Variants in MTM1 observed in about 807,000 individuals in gnomAD.
MTM1 encodes myotubularin.
In MTM1, 9 loss-of-function variants were observed where a neutral mutation model predicts 52.1. That is an observed-to-expected ratio of 0.17 (90% CI 0.10 to 0.30). The LOEUF (loss-of-function observed/expected upper bound fraction) is 0.30, where lower values mean the gene tolerates loss of function less well. Ranked by LOEUF, MTM1 falls within the 10% of genes least tolerant of loss-of-function variation. The probability of loss-of-function intolerance (pLI) is 1.00; values close to 1 mark genes in which losing one functional copy is unlikely to be tolerated. For missense variants in MTM1, 277 were observed against 470.7 expected (o/e 0.59, Z 3.81); for synonymous variants, 136 against 163.8 (o/e 0.83, Z 1.29).
intron 4 of MTM1, among the ~76,000 whole-genome samples, chrX:150,604,368 G>A (rs1280375027): frequency 1.8e-5 from 2 of 111,453 alleles, no homozygotes; most frequent in Non-Finnish European, 3.8e-5. Context: ...AGGCAAAGCA[G>A]ACGCTACCCT....
chrX:150,658,225 T>C (rs2040158328), intron 11 of MTM1, among the ~76,000 whole-genome samples, 198 bp downstream of exon 11: 1 of 112,219 alleles, frequency 8.9e-6, no homozygotes, highest in Non-Finnish European at 1.9e-5. Flanking sequence ...CTGTTTGCAG[T>C]TTCACTTGAA....
chrX:150,672,753 T>C lies in MTM1; in HGVS notation c.*1158T>C, dbSNP rs1222869689. 1.8e-5 allele frequency: 2 copies of C among 112,378 alleles called. No individual in the cohort carries two copies. Among genetic ancestry groups the C allele is most frequent in the African/African-American group, 3.2e-5 (1 of 30,977 alleles). 9.3% of individuals were successfully genotyped at this position (112,378 alleles called of 1,213,427 possible). A position where few individuals can be genotyped will look rare whatever the true frequency, so the allele number is the denominator to read the frequency against. ...CTAATTCATTTATTAAGTATATTTGTAAAAGCTAAGGCTCGAGTTAAAACA... is the reference window on the plus strand; with the variant it reads ...CTAATTCATTTATTAAGTATATTTGCAAAAGCTAAGGCTCGAGTTAAAACA... On this transcript the variant is annotated 3_prime_UTR_variant, in exon 15 of 15. Coordinates refer to ENST00000370396, the MANE Select transcript of MTM1 (RefSeq NM_000252.3).
At chrX:150,615,059 G>A (rs2039357942) in intron 5 of MTM1, among the ~76,000 whole-genome samples, 1 of 111,783 alleles carries the variant, frequency 8.9e-6, no homozygotes, top group African/African-American at 3.3e-5. Context: ...GAATAGAAGA[G>A]ATTTTGCCCT....
intron 2 of MTM1, among the ~76,000 whole-genome samples, chrX:150,596,250 T>A (rs1295654226): frequency 8.9e-5 from 10 of 112,273 alleles, no homozygotes; most frequent in African/African-American, 3.2e-4. Context: ...CTTGGAAATG[T>A]AGTTTAAAAA....
At chrX:150,601,852 T>A (rs140106811) in intron 4 of MTM1, among the ~76,000 whole-genome samples, 196 of 112,368 alleles carry the variant, frequency 1.7e-3, no homozygotes, top group African/African-American at 6.1e-3. Context: ...TCCTTCTGAC[T>A]CCTCCAACCT....
chrX:150,571,842 T>C (rs1025766089), intron 1 of MTM1, among the ~76,000 whole-genome samples: 2 of 111,809 alleles, frequency 1.8e-5, no homozygotes, highest in African/African-American at 6.5e-5. Context: ...AGAGAGGCCT[T>C]CTTCTAGTTT....
chrX:150,635,012 C>T (rs1557413675), intron 6 of MTM1, among the ~76,000 whole-genome samples: 1 of 111,081 alleles, frequency 9.0e-6, no homozygotes, highest in African/African-American at 3.3e-5. Flanking sequence ...GATTCTGATT[C>T]AGTAGGGGTG....
At chrX:150,626,764 G>C (rs16996679) in intron 6 of MTM1, among the ~76,000 whole-genome samples, 5,346 of 111,880 alleles carry the variant, frequency 0.048, 120 homozygotes, top group Middle Eastern at 0.1. Flanking sequence ...GAGGGACACT[G>C]AAATGAAGTA....
intron 1 of MTM1, among the ~76,000 whole-genome samples, chrX:150,587,784 TG>T (rs1255314566): frequency 8.9e-6 from 1 of 111,876 alleles, no homozygotes; most frequent in South Asian, 3.7e-4. Flanking sequence ...TGGTTCTCAT[TG>T]GGGGTGACGC....
chrX:150,563,461 C>T (rs1159226064), upstream of MTM1, among the ~76,000 whole-genome samples: 2 of 106,583 alleles, frequency 1.9e-5, no homozygotes, highest in Non-Finnish European at 3.9e-5. Context: ...ACTACAGGCA[C>T]GTGCCACCAC....
At chrX:150,629,203 C>T (rs1283966730) in intron 6 of MTM1, among the ~76,000 whole-genome samples, 2 of 111,807 alleles carry the variant, frequency 1.8e-5, no homozygotes, top group Non-Finnish European at 3.8e-5. Flanking sequence ...CACCTCTCTC[C>T]GTTGTTTGTT....
intron 10 of MTM1, among the ~76,000 whole-genome samples, chrX:150,655,521 A>T (rs1460269493): frequency 3.6e-5 from 4 of 111,619 alleles, no homozygotes; most frequent in Non-Finnish European, 5.6e-5. Context: ...TGGATAAATA[A>T]CGTGGTCTAT....
At chrX:150,577,822 G>A (rs2038499843) in intron 1 of MTM1, among the ~76,000 whole-genome samples, 1 of 112,302 alleles carries the variant, frequency 8.9e-6, no homozygotes, top group Admixed American at 9.4e-5. Flanking sequence ...GAGTTTTTGT[G>A]TTTTAAGAAA....
At chrX:150,663,651 C>T (rs782435407) in intron 14 of MTM1, 42 bp downstream of exon 14, 59 of 1,125,063 alleles carry the variant, frequency 5.2e-5, no homozygotes, top group Non-Finnish European at 7.0e-5. Context: ...ATGTCAACTG[C>T]TTGCCTTAGA....
intron 4 of MTM1, among the ~76,000 whole-genome samples, chrX:150,613,243 T>C (rs192584526): frequency 1.7e-3 from 195 of 111,888 alleles, no homozygotes; most frequent in African/African-American, 5.9e-3. Flanking sequence ...TCTTTATTTT[T>C]CAAACTTATC....
At chrX:150,642,847 G>C (rs2039871497) in intron 8 of MTM1, among the ~76,000 whole-genome samples, 1 of 111,841 alleles carries the variant, frequency 8.9e-6, no homozygotes, top group African/African-American at 3.2e-5. Context: ...ACCATGCTTG[G>C]TTGCCATCTT....
intron 4 of MTM1, among the ~76,000 whole-genome samples, chrX:150,601,720 C>T (rs782164256): frequency 8.9e-6 from 1 of 112,337 alleles, no homozygotes; most frequent in East Asian, 2.8e-4. Context: ...CTGGCCCACG[C>T]CCCGTCTCCA....
At chrX:150,666,232 T>C (rs2040301725) in intron 14 of MTM1, among the ~76,000 whole-genome samples, 2 of 112,580 alleles carry the variant, frequency 1.8e-5, no homozygotes, top group African/African-American at 3.2e-5. Flanking sequence ...TTTCATTTCT[T>C]GTTGTCTTTG....
intron 7 of MTM1, among the ~76,000 whole-genome samples, chrX:150,639,488 C>T (rs1557413800): frequency 8.9e-6 from 1 of 112,155 alleles, no homozygotes; most frequent in African/African-American, 3.2e-5. Context: ...GTAGTGATGT[C>T]TTTTTCAAGG....
Sources: gnomAD v4.1 joint callset for allele counts (sites outside exome capture counted in the v4.1 genomes callset) on GRCh38, gnomAD v4.1.1 for gene constraint, MANE v1.5 for transcripts, NCBI Gene and HGNC (gene_info 2026-07-23, HGNC 2026-07-21) for gene names.